Variants in TMC1 observed in about 807,000 individuals in gnomAD.
The protein encoded by TMC1 is transmembrane channel-like protein 1.
A neutral mutation model predicts 105.8 loss-of-function variants in TMC1; 84 were observed. The ratio of observed to expected loss-of-function variants is 0.79; its 90% CI spans 0.67 to 0.95. TMC1 has a LOEUF of 0.95. Among genes scored for constraint, TMC1 ranks in the 40% least tolerant of loss-of-function variants. TMC1 has a pLI of 0.00. For synonymous variants in TMC1, 315 were observed against 311.5 expected (o/e 1.01, Z -0.12); for missense variants, 817 against 914.1 (o/e 0.89, Z 1.37).
At chr9:72,592,101 A>G (rs550061961) in intron 2 of TMC1, among the ~76,000 whole-genome samples, 50 of 152,286 alleles carry the variant, frequency 3.3e-4, no homozygotes, top group African/African-American at 1.1e-3. Context: ...GGTAGATAAC[A>G]TCAACAGGAT....
intron 5 of TMC1, among the ~76,000 whole-genome samples, chr9:72,686,689 TCAGA>T (rs1035995728): frequency 2.6e-5 from 4 of 152,232 alleles, no homozygotes; most frequent in African/African-American, 9.6e-5. Context: ...TGTTCCACGA[TCAGA>T]CAAAGGAATG....
At chr9:72,577,491 T>C (rs1247840689) in intron 1 of TMC1, among the ~76,000 whole-genome samples, 1 of 152,240 alleles carries the variant, frequency 6.6e-6, no homozygotes, top group African/African-American at 2.4e-5. Context: ...CCTCCATTTC[T>C]AGACAGATCA....
intron 19 of TMC1, 124 bp from the exon 20 acceptor site, chr9:72,820,718 G>A: frequency 8.4e-7 from 1 of 1,193,598 alleles, no homozygotes; most frequent in Non-Finnish European, 1.2e-6. Context: ...GGGTTTGTCT[G>A]GTTGAAAGTG....
At chr9:72,809,827 C>T (rs1447323253) in intron 18 of TMC1, among the ~76,000 whole-genome samples, 1 of 152,146 alleles carries the variant, frequency 6.6e-6, no homozygotes, top group Non-Finnish European at 1.5e-5. Flanking sequence ...CTGCCATCTG[C>T]AGTTGGGATA....
chr9:72,775,737 T>C (rs774692235), intron 13 of TMC1, among the ~76,000 whole-genome samples: 1 of 152,208 alleles, frequency 6.6e-6, no homozygotes, highest in Non-Finnish European at 1.5e-5. Flanking sequence ...GCTCACAGTC[T>C]ACAGACTGTA....
chr9:72,702,877 G>T (rs1388951254), intron 8 of TMC1, among the ~76,000 whole-genome samples: 1 of 152,070 alleles, frequency 6.6e-6, no homozygotes, highest in African/African-American at 2.4e-5. Context: ...TTAGCAATGG[G>T]GAGAGATAGG....
intron 18 of TMC1, among the ~76,000 whole-genome samples, chr9:72,813,802 AC>A (rs767125928): frequency 1.3e-5 from 2 of 152,210 alleles, no homozygotes; most frequent in Non-Finnish European, 2.9e-5. Context: ...TGCCCAGCTT[AC>A]CTAGCTAAGA....
At chr9:72,803,381 T>G (rs1828512627) in intron 17 of TMC1, among the ~76,000 whole-genome samples, 1 of 151,854 alleles carries the variant, frequency 6.6e-6, no homozygotes, top group Non-Finnish European at 1.5e-5. Flanking sequence ...AATTGACAAA[T>G]GGGAACTAAT....
chr9:72,617,563 C>A (rs768814333), intron 3 of TMC1, among the ~76,000 whole-genome samples: 1 of 152,086 alleles, frequency 6.6e-6, no homozygotes, highest in East Asian at 1.9e-4. Context: ...TGGCATAAGA[C>A]CACTGTGAAT....
intron 1 of TMC1, among the ~76,000 whole-genome samples, chr9:72,564,566 C>T (rs1237294803): frequency 6.6e-6 from 1 of 152,118 alleles, no homozygotes; most frequent in Admixed American, 6.5e-5. Context: ...GTTTGATGTG[C>T]CTGACAGATT....
chr9:72,762,496 C>T (rs1395743285), intron 12 of TMC1, among the ~76,000 whole-genome samples: 1 of 152,162 alleles, frequency 6.6e-6, no homozygotes, highest in Non-Finnish European at 1.5e-5. Context: ...GCCAGAATGA[C>T]CTGTTTCCCA....
chr9:72,704,002 C>A (rs897829531), intron 8 of TMC1, among the ~76,000 whole-genome samples: 1 of 152,192 alleles, frequency 6.6e-6, no homozygotes, highest in Non-Finnish European at 1.5e-5. Flanking sequence ...TTCTCCCCAC[C>A]AGATTCCAAC....
chr9:72,695,848 AAACT>A, intron 7 of TMC1, among the ~76,000 whole-genome samples: 1 of 152,132 alleles, frequency 6.6e-6, no homozygotes, highest in Non-Finnish European at 1.5e-5. Context: ...TACCAAGACA[AAACT>A]TGCTTTTAAA....
At chr9:72,714,206 A>T (rs1308207366) in intron 8 of TMC1, among the ~76,000 whole-genome samples, 1 of 152,148 alleles carries the variant, frequency 6.6e-6, no homozygotes, top group Non-Finnish European at 1.5e-5. Flanking sequence ...TTTTAGAATA[A>T]GTGCGATGTG....
chr9:72,833,310 G>T (rs1246046427), intron 23 of TMC1, among the ~76,000 whole-genome samples: 1 of 152,012 alleles, frequency 6.6e-6, no homozygotes, highest in African/African-American at 2.4e-5. Flanking sequence ...TTTTATATAT[G>T]TTTCAGTGAT....
At chr9:72,624,332 T>G (rs1825308344) in intron 3 of TMC1, among the ~76,000 whole-genome samples, 1 of 152,188 alleles carries the variant, frequency 6.6e-6, no homozygotes, top group Non-Finnish European at 1.5e-5. Context: ...TTGAGAGTCT[T>G]CTTTGCAGTC....
intron 5 of TMC1, among the ~76,000 whole-genome samples, chr9:72,665,374 T>C (rs1318832198): frequency 6.6e-6 from 1 of 152,158 alleles, no homozygotes; most frequent in Admixed American, 6.5e-5. Flanking sequence ...GTGGAGGTGT[T>C]AGAAAAAAAG....
At chr9:72,663,611 C>A (rs1307471466) in intron 5 of TMC1, among the ~76,000 whole-genome samples, 1 of 152,160 alleles carries the variant, frequency 6.6e-6, no homozygotes, top group Non-Finnish European at 1.5e-5. Flanking sequence ...ATCTCTTTCA[C>A]TGTCATAATT....
rs141364859 is a variant in TMC1 at position 72,743,520 on chromosome 9, T to G, written c.535+995T>G. Among the ~76,000 whole-genome samples the G allele has an allele frequency of 6.7e-3, 938 of 140,772 alleles. 5 individuals carry two copies. Among genetic ancestry groups the G allele is most frequent in the African/African-American group, 0.023 (861 of 36,750 alleles). 92.4% of individuals were successfully genotyped at this position (140,772 alleles called of 152,430 possible). ...AGGCGGAGGTTGCAGTGAGCCGAGA[T>G]CACACTACTGCACTCCAACCTGGGT... On this transcript the variant is annotated intron_variant, in intron 10 of 23. Coordinates refer to ENST00000297784, the MANE Select transcript of TMC1 (RefSeq NM_138691.3).
Sources: allele counts gnomAD v4.1 joint callset (sites outside exome capture counted in the v4.1 genomes callset), GRCh38; gene constraint gnomAD v4.1.1; transcripts MANE v1.5; gene names NCBI Gene and HGNC (gene_info 2026-07-23, HGNC 2026-07-21).